The following MATN2 variants were observed in gnomAD, a reference collection of about 807,000 sequenced individuals.
MATN2 encodes matrilin-2.
Under a neutral mutation model 103.2 loss-of-function variants are expected in MATN2, and 69 were observed. That is an observed-to-expected ratio of 0.67 (90% CI 0.55 to 0.82). MATN2 has a LOEUF of 0.82. Ranked by LOEUF, MATN2 falls within the 40% of genes least tolerant of loss-of-function variation. The probability of loss-of-function intolerance (pLI) is 0.00; values close to 1 mark genes in which losing one functional copy is unlikely to be tolerated. For missense variants in MATN2, 1,023 were observed against 1,211.5 expected (o/e 0.84, Z 2.31); for synonymous variants, 429 against 450.2 (o/e 0.95, Z 0.60).
At position 97,914,410 on chromosome 8, in the gene MATN2, G is replaced by T. The variant is rs183871851; in HGVS notation, c.143-16543G>T. 5.9e-5 allele frequency among the ~76,000 whole-genome samples: 7 copies of T among 118,044 alleles called. No individual in the cohort carries two copies. The East Asian group carries it at 1.9e-3, about 31-fold the overall frequency. 77.4% of individuals were successfully genotyped at this position (118,044 alleles called of 152,430 possible). On this transcript the variant is annotated intron_variant, in intron 2 of 18. Transcript: ENST00000254898. ...TTTTGGAACAGGGTCTTGCTCTGTG[G>T]CCCAAGCTGGAGAGCAGTGGCACAA...
chr8:97,983,422 T>G (rs1310856235), intron 6 of MATN2, among the ~76,000 whole-genome samples: 1 of 152,158 alleles, frequency 6.6e-6, no homozygotes, highest in Non-Finnish European at 1.5e-5. Flanking sequence ...TAGCAAGACT[T>G]TTTGAGATCT....
Position 98,007,490 on chromosome 8 carries a change from T to C in MATN2, c.1462T>C (p.Cys488Arg). Reference protein sequence around the residue: ...DLKTCSRVDYCLLSDHGCEYS... With the variant: ...DLKTCSRVDYRLLSDHGCEYS... ...TTTTGGTTTTGCAGGGGTGGATTACTGCCTGCTGAGTGACCATGGTTGTGA... is the reference window on the plus strand; with the variant it reads ...TTTTGGTTTTGCAGGGGTGGATTACCGCCTGCTGAGTGACCATGGTTGTGA... The change falls in exon 10 of 19, where the codon TGC (cysteine) becomes CGC (arginine). Residue 488 changes from cysteine (C) to arginine (R), a missense_variant. Cys to Arg is a radical substitution (Grantham distance 180, BLOSUM62 -3). Transcript: ENST00000254898. The surrounding 1 kb of genome is among the most constrained non-coding windows in gnomAD (Gnocchi z 4.2). The C allele has an allele frequency of 6.2e-7, 1 of 1,612,172 alleles. No individual in the cohort carries two copies.
In MATN2 at chr8:97,931,371, G is replaced by A. The variant is rs760805768; in HGVS notation, c.561G>A (p.Thr187=). ...VAEVAAKARD[T]GILIFAIGVG... ...AGGTGGCTGCTAAGGCACGGGACACGGGCATCCTAATCTTTGCCATTGGTG... is the reference window on the plus strand; with the variant it reads ...AGGTGGCTGCTAAGGCACGGGACACAGGCATCCTAATCTTTGCCATTGGTG... The change falls in exon 3 of 19, where the codon ACG becomes ACA. Residue 187 remains threonine, a synonymous_variant. Coordinates refer to ENST00000254898, the MANE Select transcript of MATN2 (RefSeq NM_002380.5). This position sits in a 1 kb window ranked among gnomAD's most constrained non-coding sequence, Gnocchi z 4.1. 2.2e-5 allele frequency: 36 copies of A among 1,613,650 alleles called. No homozygotes were observed. In the East Asian group the frequency reaches 4.5e-4, roughly 20 times the overall value.
chr8:97,999,853 C>T (rs2130369844), intron 7 of MATN2, among the ~76,000 whole-genome samples: 1 of 138,282 alleles, frequency 7.2e-6, no homozygotes, highest in Non-Finnish European at 1.5e-5. Flanking sequence ...GAGGGCACGT[C>T]ACGGATTCTT....
chr8:97,947,385 G>T (rs2130204472), intron 4 of MATN2, among the ~76,000 whole-genome samples: 1 of 152,158 alleles, frequency 6.6e-6, no homozygotes, highest in Non-Finnish European at 1.5e-5. Flanking sequence ...ACAACAAAAA[G>T]CCACTAAAAC....
chr8:97,892,249 A>G (rs954813720), intron 2 of MATN2, among the ~76,000 whole-genome samples: 1 of 150,118 alleles, frequency 6.7e-6, no homozygotes, highest in African/African-American at 2.5e-5. Flanking sequence ...AAAAAAAAAG[A>G]AAGAAAAAAA....
At chr8:97,891,586 C>A (rs866929574) in intron 2 of MATN2, among the ~76,000 whole-genome samples, 4 of 152,082 alleles carry the variant, frequency 2.6e-5, no homozygotes, top group South Asian at 4.1e-4. Context: ...GATCCTCCCC[C>A]CTCAGTCTCC....
chr8:97,941,656 C>A (rs916531759), intron 3 of MATN2, 121 bp from the exon 4 acceptor site: 4 of 1,116,832 alleles, frequency 3.6e-6, no homozygotes, highest in Admixed American at 4.3e-5. Flanking sequence ...GTAGGGACTG[C>A]AGCTTATTTC....
At chr8:98,001,011 C>G (rs2130373105) in intron 7 of MATN2, among the ~76,000 whole-genome samples, 1 of 152,310 alleles carries the variant, frequency 6.6e-6, no homozygotes, top group African/African-American at 2.4e-5. Context: ...GCCACTGAGA[C>G]AAGAGGGTGA....
intron 5 of MATN2, among the ~76,000 whole-genome samples, chr8:97,975,410 A>C (rs1811803194): frequency 6.6e-6 from 1 of 152,172 alleles, no homozygotes; most frequent in Non-Finnish European, 1.5e-5. Flanking sequence ...TCTCTAAATT[A>C]TTACATTAGT....
chr8:97,974,359 G>A (rs1369157173), intron 5 of MATN2, among the ~76,000 whole-genome samples: 1 of 152,110 alleles, frequency 6.6e-6, no homozygotes, highest in Non-Finnish European at 1.5e-5. Flanking sequence ...GGCTGGTCTT[G>A]AGCTCTTAGA....
chr8:97,883,667 C>G (rs1818326780), intron 1 of MATN2, among the ~76,000 whole-genome samples: 1 of 151,998 alleles, frequency 6.6e-6, no homozygotes, highest in African/African-American at 2.4e-5. Flanking sequence ...ATTCTCCTGC[C>G]TCAGCCTCCT....
chr8:97,908,712 A>G (rs143051270), intron 2 of MATN2, among the ~76,000 whole-genome samples: 137 of 151,830 alleles, frequency 9.0e-4, no homozygotes, highest in Middle Eastern at 3.4e-3. Flanking sequence ...GCTCACTGCA[A>G]CCTCCGCCTC....
intron 2 of MATN2, among the ~76,000 whole-genome samples, chr8:97,914,907 T>C (rs1487805990): frequency 2.0e-5 from 3 of 152,228 alleles, no homozygotes; most frequent in Non-Finnish European, 4.4e-5. Flanking sequence ...CATCACCTTG[T>C]CCAGGGATCT....
At chr8:97,973,521 T>A (rs1162596339) in intron 5 of MATN2, among the ~76,000 whole-genome samples, 1 of 152,194 alleles carries the variant, frequency 6.6e-6, no homozygotes, top group Non-Finnish European at 1.5e-5. Flanking sequence ...TTTTATGCTT[T>A]TAAAAAATGC....
chr8:97,895,088 G>T (rs556577541), intron 2 of MATN2, among the ~76,000 whole-genome samples: 1 of 152,248 alleles, frequency 6.6e-6, no homozygotes, highest in South Asian at 2.1e-4. Context: ...GGCCAGGTTG[G>T]TCTCAAATTC....
intron 10 of MATN2, among the ~76,000 whole-genome samples, chr8:98,010,215 C>T (rs1319157277): frequency 6.6e-6 from 1 of 152,146 alleles, no homozygotes; most frequent in Admixed American, 6.5e-5. Flanking sequence ...CCCAATGTCA[C>T]CCCCATGGGT....
intron 4 of MATN2, among the ~76,000 whole-genome samples, chr8:97,954,116 C>T (rs1170307300): frequency 1.3e-5 from 2 of 152,096 alleles, no homozygotes; most frequent in Non-Finnish European, 2.9e-5. Context: ...AGTCGTTACC[C>T]AGCTGGGGCC....
At position 97,977,235 on chromosome 8, in the gene MATN2, CAAAAAAAAAAAAAA is replaced by C. The variant is rs34634037; in HGVS notation, c.959-1634_959-1621del. Among the ~76,000 whole-genome samples, 11 of 35,938 alleles carry C rather than the reference CAAAAAAAAAAAAAA, an allele frequency of 3.1e-4. No homozygotes were observed. The South Asian group carries it at 0.015, about 50-fold the overall frequency. 23.6% of individuals were successfully genotyped at this position (35,938 alleles called of 152,430 possible). A position where few individuals can be genotyped will look rare whatever the true frequency, so the allele number is the denominator to read the frequency against. Reference sequence around the variant, plus strand: ...TGGGAGACAAAGTGAGACCCTGTCTCAAAAAAAAAAAAAAAAAAAAAAAAAAAAAAGACAAGAAA... The same window carrying C: ...TGGGAGACAAAGTGAGACCCTGTCTCAAAAAAAAAAAAAAAAGACAAGAAA... On this transcript the variant is annotated intron_variant, in intron 5 of 18. Coordinates refer to ENST00000254898, the MANE Select transcript of MATN2 (RefSeq NM_002380.5).
Sources: allele counts gnomAD v4.1 joint callset (sites outside exome capture counted in the v4.1 genomes callset), GRCh38; gene constraint gnomAD v4.1.1; non-coding constraint Gnocchi (gnomAD v3.1); transcripts MANE v1.5; gene names NCBI Gene and HGNC (gene_info 2026-07-23, HGNC 2026-07-21).